RASEF: variants seen among roughly 807,000 people sequenced by gnomAD.
The protein encoded by RASEF is ras and EF-hand domain-containing protein.
RASEF carries 68 observed loss-of-function variants against 90.1 expected under a neutral mutation model. That is an observed-to-expected ratio of 0.75 (90% CI 0.62 to 0.92). The LOEUF is 0.92. Ranked by LOEUF, RASEF falls within the 40% of genes least tolerant of loss-of-function variation. RASEF has a pLI of 0.00. For missense variants in RASEF, 949 were observed against 937.2 expected, an observed-to-expected ratio of 1.01 and a Z score of -0.16; for synonymous variants, 331 against 345.2, an observed-to-expected ratio of 0.96 and a Z score of 0.46.
the RASEF span, among the ~76,000 whole-genome samples, chr9:83,170,406 G>A: frequency 1.2e-3 from 176 of 151,870 alleles, no homozygotes; most frequent in African/African-American, 4.0e-3. Flanking sequence ...GACCATTTGG[G>A]TCTTTTGAAG....
intron 1 of RASEF, among the ~76,000 whole-genome samples, chr9:83,053,836 T>G (rs1429260745): frequency 2.8e-4 from 29 of 103,108 alleles, no homozygotes; most frequent in African/African-American, 9.3e-4. Context: ...AATTCTGGGT[T>G]GAAAATTCTT....
At chr9:83,114,141 C>T in the RASEF span, among the ~76,000 whole-genome samples, 59 of 152,256 alleles carry the variant, frequency 3.9e-4, 1 homozygote, top group East Asian at 0.01. Context: ...GGCAGAAGAA[C>T]ATAAATTGTG....
intron 4 of RASEF, among the ~76,000 whole-genome samples, chr9:83,012,763 T>C (rs1234407466): frequency 1.3e-4 from 20 of 152,248 alleles, no homozygotes. Context: ...AAGCCTTTTT[T>C]GGAAATCATT....
chr9:83,041,594 G>A (rs72740869), intron 1 of RASEF, among the ~76,000 whole-genome samples: 7,674 of 152,092 alleles, frequency 0.05, 296 homozygotes, highest in Non-Finnish European at 0.077. Flanking sequence ...AGAGGCTCCC[G>A]GTCTCACTCC....
At chr9:83,210,082 C>T in the RASEF span, among the ~76,000 whole-genome samples, 3 of 152,088 alleles carry the variant, frequency 2.0e-5, no homozygotes, top group East Asian at 1.9e-4. Context: ...CAGATATTTG[C>T]GTCATGGAAT....
the RASEF span, among the ~76,000 whole-genome samples, chr9:83,092,470 T>C: frequency 2.0e-5 from 3 of 151,826 alleles, no homozygotes; most frequent in Non-Finnish European, 2.9e-5. Context: ...ACCTTTGCTG[T>C]GAGTGTTACA....
At chr9:83,091,368 A>G in the RASEF span, among the ~76,000 whole-genome samples, 1 of 152,180 alleles carries the variant, frequency 6.6e-6, no homozygotes, top group Non-Finnish European at 1.5e-5. Flanking sequence ...AGCCTGTCCA[A>G]CATGGTGAAA....
At chr9:83,082,411 T>G in the RASEF span, among the ~76,000 whole-genome samples, 1 of 152,308 alleles carries the variant, frequency 6.6e-6, no homozygotes, top group South Asian at 2.1e-4. Flanking sequence ...GGAGCTCCTT[T>G]TATCTCAGCA....
chr9:83,192,689 G>T, the RASEF span, among the ~76,000 whole-genome samples: 1 of 148,994 alleles, frequency 6.7e-6, no homozygotes, highest in Admixed American at 6.7e-5. Context: ...AACCTGCACA[G>T]GTACCCCTGA....
At chr9:83,149,457 G>C in the RASEF span, among the ~76,000 whole-genome samples, 17 of 152,296 alleles carry the variant, frequency 1.1e-4, no homozygotes, top group African/African-American at 3.8e-4. Flanking sequence ...AGGATAAAGG[G>C]GAGCATGGCA....
At chr9:83,000,609 G>T in intron 10 of RASEF, 39 bp from the exon 11 acceptor site, 1 of 1,555,790 alleles carries the variant, frequency 6.4e-7, no homozygotes, top group Non-Finnish European at 8.7e-7. Flanking sequence ...ATTAAAAAAT[G>T]TCAGCAGTTA....
At chr9:83,081,312 G>A in the RASEF span, among the ~76,000 whole-genome samples, 5 of 152,274 alleles carry the variant, frequency 3.3e-5, no homozygotes, top group East Asian at 7.7e-4. Flanking sequence ...GAATATTTTA[G>A]TTAGAAAACA....
At chr9:83,200,709 G>A in the RASEF span, among the ~76,000 whole-genome samples, 1 of 152,292 alleles carries the variant, frequency 6.6e-6, no homozygotes, top group Non-Finnish European at 1.5e-5. Context: ...GTTCACTGCT[G>A]TATCCCCAGG....
chr9:83,118,846 A>G, the RASEF span, among the ~76,000 whole-genome samples: 4 of 152,358 alleles, frequency 2.6e-5, no homozygotes, highest in African/African-American at 9.6e-5. Flanking sequence ...ATCACCAAAT[A>G]TAATAGGACA....
chr9:83,106,981 G>A, the RASEF span, among the ~76,000 whole-genome samples: 1 of 152,110 alleles, frequency 6.6e-6, no homozygotes, highest in Non-Finnish European at 1.5e-5. Context: ...GCCTTGCACT[G>A]CAGCAAGTCA....
chr9:83,217,088 T>G, the RASEF span, among the ~76,000 whole-genome samples: 1 of 152,142 alleles, frequency 6.6e-6, no homozygotes, highest in Non-Finnish European at 1.5e-5. Flanking sequence ...TTTGGAACTT[T>G]AAAGTTTAAT....
chr9:83,198,851 G>T, the RASEF span, among the ~76,000 whole-genome samples: 1 of 151,942 alleles, frequency 6.6e-6, no homozygotes, highest in Non-Finnish European at 1.5e-5. Flanking sequence ...AGGGATAAAT[G>T]TAGGGGAGGG....
intron 4 of RASEF, among the ~76,000 whole-genome samples, chr9:83,014,980 TAAAC>T (rs973929301): frequency 3.9e-5 from 6 of 152,030 alleles, no homozygotes; most frequent in Admixed American, 6.6e-5. Context: ...CCAACCACAT[TAAAC>T]AAACAAACAA....
the RASEF span, among the ~76,000 whole-genome samples, chr9:83,203,438 G>A: frequency 6.6e-6 from 1 of 151,952 alleles, no homozygotes; most frequent in African/African-American, 2.4e-5. Flanking sequence ...ACAATACCTG[G>A]CTAATTTTTG....
Sources: allele counts gnomAD v4.1 joint callset (sites outside exome capture counted in the v4.1 genomes callset), GRCh38; gene constraint gnomAD v4.1.1; transcripts MANE v1.5; gene names NCBI Gene and HGNC (gene_info 2026-07-23, HGNC 2026-07-21).